Variants in PRCD observed in about 807,000 individuals in gnomAD.
The protein encoded by PRCD is photoreceptor disk component PRCD.
Under a neutral mutation model 10.1 loss-of-function variants are expected in PRCD, and 12 were observed. That is an observed-to-expected ratio of 1.18 (90% CI 0.76 to 1.92). PRCD has a LOEUF of 1.92. Ranked by LOEUF, PRCD falls within the 40% of genes most tolerant of loss-of-function variation. PRCD has a pLI of 0.00. For synonymous variants in PRCD, 31 were observed against 26.2 expected, an observed-to-expected ratio of 1.18 and a Z score of -0.56; for missense variants, 61 against 72.2, an observed-to-expected ratio of 0.84 and a Z score of 0.56.
chr17:76,531,316 C>T lies in PRCD; in HGVS notation n.45+3483C>T. Reference sequence around the variant, plus strand: ...GTTGCCCTGGACCCAGCCCCTCCATCCTGCTGCCGGGCACTGCCCCTCCCT... The same window carrying T: ...GTTGCCCTGGACCCAGCCCCTCCATTCTGCTGCCGGGCACTGCCCCTCCCT... On this transcript the variant is annotated intron_variant and non_coding_transcript_variant, in intron 1 of 4. Coordinates refer to the PRCD transcript ENST00000397633. This position sits in a 1 kb window ranked among gnomAD's most constrained non-coding sequence, Gnocchi z 7.4. 3 of 1,220,550 alleles carry T rather than the reference C, an allele frequency of 2.5e-6. No homozygotes were observed. Among genetic ancestry groups the T allele is most frequent in the Non-Finnish European group, 3.4e-6 (3 of 877,256 alleles). 75.6% of individuals were successfully genotyped at this position (1,220,550 alleles called of 1,614,324 possible). A position where few individuals can be genotyped will look rare whatever the true frequency, so the allele number is the denominator to read the frequency against.
chr17:76,528,708 T>C lies in PRCD; in HGVS notation n.45+875T>C. On this transcript the variant is annotated intron_variant and non_coding_transcript_variant, in intron 1 of 4. Coordinates refer to the PRCD transcript ENST00000397633. This position sits in a 1 kb window ranked among gnomAD's most constrained non-coding sequence, Gnocchi z 5.8. ...GGACCTGGGGCTGGCGAGGCTCACT[T>C]CCTGCCAAGAGATCCGGCACAGTGC... 8.7e-7 allele frequency: 1 copy of C among 1,155,372 alleles called. No individual in the cohort carries two copies. The highest frequency in any genetic ancestry group is 1.1e-6 in the Non-Finnish European group (1 of 904,130). 71.6% of individuals were successfully genotyped at this position (1,155,372 alleles called of 1,614,324 possible). A position where few individuals can be genotyped will look rare whatever the true frequency, so the allele number is the denominator to read the frequency against.
downstream of PRCD, chr17:76,546,238 G>A (rs907526526): frequency 1.3e-5 from 2 of 152,336 alleles, no homozygotes; most frequent in Non-Finnish European, 2.9e-5. This position sits in a 1 kb window ranked among gnomAD's most constrained non-coding sequence, Gnocchi z 4.5. Context: ...CAGGAGCAGG[G>A]AGGTGCTGCT....
intron 1 of PRCD, chr17:76,551,407 A>G (rs1282897012): frequency 1.3e-5 from 2 of 152,216 alleles, no homozygotes; most frequent in African/African-American, 2.4e-5. Flanking sequence ...GGCTCTGCCA[A>G]GCAGGGAAGT....
chr17:76,548,018 G>A (rs1299532272), downstream of PRCD, among the ~76,000 whole-genome samples: 1 of 149,528 alleles, frequency 6.7e-6, no homozygotes, highest in Non-Finnish European at 1.5e-5. Flanking sequence ...ACATACACAT[G>A]CATACACAGA....
chr17:76,532,120 C>T (rs906865125), intron 1 of PRCD: 1 of 166,052 alleles, frequency 6.0e-6, no homozygotes, highest in Non-Finnish European at 1.3e-5. Context: ...TTCATGAAGT[C>T]ATGCTTATGC....
In PRCD at chr17:76,540,892, T is replaced by C. The variant is rs1184745589; in HGVS notation, c.143+319T>C. 6.6e-6 allele frequency among the ~76,000 whole-genome samples: 1 copy of C among 152,208 alleles called. No homozygotes were observed. On this transcript the variant is annotated intron_variant, in intron 2 of 4. Transcript: ENST00000592014. The surrounding 1 kb of genome is among the most constrained non-coding windows in gnomAD (Gnocchi z 5.0). ...AGGAGGGATGAGGCAGGAGTAGCTC[T>C]GTGTGGCTTTGCTCGCCTTTCCTTG...
chr17:76,531,712 G>T lies in PRCD; in HGVS notation n.45+3879G>T, dbSNP rs754600110. On this transcript the variant is annotated intron_variant and non_coding_transcript_variant, in intron 1 of 4. Coordinates refer to the PRCD transcript ENST00000397633. This position sits in a 1 kb window ranked among gnomAD's most constrained non-coding sequence, Gnocchi z 7.4. ...AGAACCTGGCAAGAGGAACAGGGGTGGTCGCTGAAGCTGGAGGCTGCCTCG... is the reference window on the plus strand; with the variant it reads ...AGAACCTGGCAAGAGGAACAGGGGTTGTCGCTGAAGCTGGAGGCTGCCTCG... The T allele has an allele frequency of 5.1e-6, 8 of 1,566,630 alleles. No individual in the cohort carries two copies. The African/African-American group carries it at 1.1e-4, about 21-fold the overall frequency.
At position 76,531,197 on chromosome 17, in the gene PRCD, A is replaced by AC; in HGVS notation, n.45+3369dup. The AC allele has an allele frequency of 6.4e-7, 1 of 1,563,314 alleles. No homozygotes were observed. On this transcript the variant is annotated intron_variant and non_coding_transcript_variant, in intron 1 of 4. Transcript: ENST00000397633. The surrounding 1 kb of genome is among the most constrained non-coding windows in gnomAD (Gnocchi z 7.4). The stretch of plus-strand genomic sequence containing the variant: ...ACGCCCGGGCGCCCTGCGTCCTGCA[A>AC]CCCCCAGGCCCCTCCGCCCCACGTG...
At chr17:76,551,189 A>G (rs923418936) in intron 1 of PRCD, 18 of 152,184 alleles carry the variant, frequency 1.2e-4, no homozygotes, top group African/African-American at 3.6e-4. Flanking sequence ...CAGAGAAGAG[A>G]ATGCAGTGAA....
At position 76,544,453 on chromosome 17, in the gene PRCD, G is replaced by A. The variant is rs1480067608; in HGVS notation, c.*803G>A. The A allele has an allele frequency of 2.2e-6, 1 of 455,224 alleles. No individual in the cohort carries two copies. The highest frequency in any genetic ancestry group is 2.0e-5 in the African/African-American group (1 of 50,174). 28.2% of individuals were successfully genotyped at this position (455,224 alleles called of 1,614,324 possible). On this transcript the variant is annotated 3_prime_UTR_variant, in exon 5 of 5. Coordinates refer to ENST00000592014, the MANE Select transcript of PRCD (RefSeq NM_001077620.3). ...AGGTGCACCCCGCTGGGGAGGGCCT[G>A]CTGGTACCTCGGGGAGCCTGGCTGG...
chr17:76,532,719 T>C (rs2143092353), intron 1 of PRCD, among the ~76,000 whole-genome samples: 1 of 151,790 alleles, frequency 6.6e-6, no homozygotes, highest in African/African-American at 2.4e-5. Flanking sequence ...GTATTTTTAG[T>C]AGAGACAGGG....
intron 1 of PRCD, among the ~76,000 whole-genome samples, chr17:76,534,012 T>C (rs2074880843): frequency 6.6e-6 from 1 of 152,204 alleles, no homozygotes; most frequent in African/African-American, 2.4e-5. Context: ...TACTCCAGCT[T>C]GGGTGACAGA....
In PRCD at chr17:76,540,312, A is replaced by C; in HGVS notation, c.74+97A>C. On this transcript the variant is annotated intron_variant, in intron 1 of 4. Transcript: ENST00000592014. The surrounding 1 kb of genome is among the most constrained non-coding windows in gnomAD (Gnocchi z 5.0). Reference sequence around the variant, plus strand: ...CTGAAGGTGGGCAGGGGCTGCGTGAACCTTCAGCGGGGCTGGGAGGGCATT... The same window carrying C: ...CTGAAGGTGGGCAGGGGCTGCGTGACCCTTCAGCGGGGCTGGGAGGGCATT... 1.4e-6 allele frequency: 2 copies of C among 1,407,160 alleles called. No individual in the cohort carries two copies. 87.2% of individuals were successfully genotyped at this position (1,407,160 alleles called of 1,614,324 possible). A position where few individuals can be genotyped will look rare whatever the true frequency, so the allele number is the denominator to read the frequency against.
downstream of PRCD, among the ~76,000 whole-genome samples, chr17:76,548,160 TACAC>T (rs759067140): frequency 3.3e-5 from 5 of 150,768 alleles, no homozygotes; most frequent in Non-Finnish European, 7.4e-5. Context: ...CATTCACACA[TACAC>T]ACACACATAT....
At position 76,531,599 on chromosome 17, in the gene PRCD, C is replaced by T. The variant is rs751254763; in HGVS notation, n.45+3766C>T. 1.7e-5 allele frequency: 28 copies of T among 1,613,884 alleles called. No homozygotes were observed. Among genetic ancestry groups the T allele is most frequent in the South Asian group, 2.2e-5 (2 of 91,088 alleles). On this transcript the variant is annotated intron_variant and non_coding_transcript_variant, in intron 1 of 4. Coordinates refer to the PRCD transcript ENST00000397633. The surrounding 1 kb of genome is among the most constrained non-coding windows in gnomAD (Gnocchi z 7.4). ...CCCCATGACTCGGCAGGCGTGCTTC[C>T]GCAGCTGGGGGCTCCGCTCCATCTC...
chr17:76,529,480 G>A (rs1226908545), intron 1 of PRCD: 1 of 985,302 alleles, frequency 1.0e-6, no homozygotes, highest in Admixed American at 6.1e-5. Flanking sequence ...GCGTGCTGGG[G>A]AACTTGGGCC....
upstream of PRCD, chr17:76,527,700 C>G: frequency 2.2e-6 from 1 of 454,012 alleles, no homozygotes; most frequent in Non-Finnish European, 4.4e-6. Context: ...CCCAGCAGCC[C>G]GGATCCCCCG....
upstream of PRCD, among the ~76,000 whole-genome samples, chr17:76,536,427 G>A (rs986711179): frequency 6.6e-6 from 1 of 152,164 alleles, no homozygotes; most frequent in Non-Finnish European, 1.5e-5. Context: ...AGATTTGACC[G>A]CTTTCCTCTG....
At position 76,529,000 on chromosome 17, in the gene PRCD, A is replaced by G; in HGVS notation, n.45+1167A>G. ...GTCCCTCCTCGGGCCACCCATCTGT[A>G]TTCTCGTATTCTCGGTACACACAGC... On this transcript the variant is annotated intron_variant and non_coding_transcript_variant, in intron 1 of 4. Transcript: ENST00000397633. This position sits in a 1 kb window ranked among gnomAD's most constrained non-coding sequence, Gnocchi z 5.8. 2.0e-6 allele frequency: 2 copies of G among 999,128 alleles called. No homozygotes were observed. The highest frequency in any genetic ancestry group is 2.4e-6 in the Non-Finnish European group (2 of 839,504). 61.9% of individuals were successfully genotyped at this position (999,128 alleles called of 1,614,324 possible).
Sources: gnomAD v4.1 joint callset for allele counts (sites outside exome capture counted in the v4.1 genomes callset) on GRCh38, gnomAD v4.1.1 for gene constraint, Gnocchi (gnomAD v3.1) non-coding constraint, MANE v1.5 for transcripts, NCBI Gene and HGNC (gene_info 2026-07-23, HGNC 2026-07-21) for gene names.